Variants in APBA2 observed in about 807,000 individuals in gnomAD.
The protein encoded by APBA2 is amyloid beta precursor protein binding family A member 2.
APBA2 carries 30 observed loss-of-function variants against 75.0 expected under a neutral mutation model. That is an observed-to-expected ratio of 0.40 (90% CI 0.30 to 0.54). APBA2 has a LOEUF of 0.54. Ranked by LOEUF, APBA2 falls within the 20% of genes least tolerant of loss-of-function variation. APBA2 has a pLI of 0.49. For missense variants in APBA2, 801 were observed against 1,016.1 expected (o/e 0.79, Z 2.88); for synonymous variants, 444 against 409.6 (o/e 1.08, Z -1.01).
chr15:29,005,052 C>T (rs755671693), intron 3 of APBA2, among the ~76,000 whole-genome samples: 14 of 152,076 alleles, frequency 9.2e-5, no homozygotes, highest in Non-Finnish European at 1.8e-4. Flanking sequence ...TTTCTAACAA[C>T]CCCCCAGGTG....
chr15:28,974,740 C>T lies in APBA2; in HGVS notation c.-94-21013C>T, dbSNP rs375394848. On this transcript the variant is annotated intron_variant, in intron 2 of 14. Transcript: ENST00000683413. Reference sequence around the variant, plus strand: ...CCAAGTGCATAATTTTTGAATTTGACGATAATTAAAATATATCACTCTGTG... The same window carrying T: ...CCAAGTGCATAATTTTTGAATTTGATGATAATTAAAATATATCACTCTGTG... Among the ~76,000 whole-genome samples the T allele has an allele frequency of 2.4e-4, 36 of 152,030 alleles. No individual in the cohort carries two copies. In the South Asian group the frequency reaches 5.0e-3, roughly 21 times the overall value.
At chr15:28,953,409 C>T (rs971501325) in intron 2 of APBA2, among the ~76,000 whole-genome samples, 1 of 151,988 alleles carries the variant, frequency 6.6e-6, no homozygotes, top group Non-Finnish European at 1.5e-5. Context: ...GCTCCCACTC[C>T]CCCCGCCCCA....
intron 11 of APBA2, among the ~76,000 whole-genome samples, chr15:29,106,022 TA>T (rs2044385204): frequency 6.6e-6 from 1 of 152,206 alleles, no homozygotes; most frequent in African/African-American, 2.4e-5. Flanking sequence ...GACTGTTTGT[TA>T]AATGGCTGAA....
intron 1 of APBA2, among the ~76,000 whole-genome samples, chr15:28,908,065 A>G (rs1408839746): frequency 6.6e-6 from 1 of 152,206 alleles, no homozygotes; most frequent in Non-Finnish European, 1.5e-5. Flanking sequence ...CCGTGAGTGC[A>G]GGCCTGTGCC....
intron 6 of APBA2, among the ~76,000 whole-genome samples, chr15:29,091,033 C>T (rs1566996072): frequency 6.6e-6 from 1 of 152,100 alleles, no homozygotes. Context: ...CCTGTTCCCT[C>T]TGTGGGGCTG....
Position 28,918,554 on chromosome 15 carries a change from C to T in APBA2, c.-204-3086C>T, listed in dbSNP as rs1218767175. Among the ~76,000 whole-genome samples, 3 of 149,030 alleles carry T rather than the reference C, an allele frequency of 2.0e-5. No individual in the cohort carries two copies. The highest frequency in any genetic ancestry group is 6.7e-5 in the Admixed American group (1 of 14,832). ...TTCCCTTTGGTCGCCCCCTGGCGTCCGCGTCATTGTGGGAACACTCGGGCG... is the reference window on the plus strand; with the variant it reads ...TTCCCTTTGGTCGCCCCCTGGCGTCTGCGTCATTGTGGGAACACTCGGGCG... On this transcript the variant is annotated intron_variant, in intron 1 of 14. Transcript: ENST00000683413. The surrounding 1 kb of genome is among the most constrained non-coding windows in gnomAD (Gnocchi z 4.2).
At chr15:28,895,546 G>T (rs2032427379) in intron 1 of APBA2, 2 of 152,214 alleles carry the variant, frequency 1.3e-5, no homozygotes, top group African/African-American at 4.8e-5. Context: ...ATCCTCTGGG[G>T]GCTGCTGGGC....
intron 2 of APBA2, among the ~76,000 whole-genome samples, chr15:28,970,772 AAAAT>A (rs1175708219): frequency 6.6e-6 from 1 of 151,920 alleles, no homozygotes; most frequent in Non-Finnish European, 1.5e-5. Flanking sequence ...TTAAAAAAAA[AAAAT>A]AAAAGCAACA....
At chr15:29,042,444 G>C (rs2041095213) in intron 3 of APBA2, among the ~76,000 whole-genome samples, 1 of 152,144 alleles carries the variant, frequency 6.6e-6, no homozygotes, top group South Asian at 2.1e-4. Flanking sequence ...ATTTTTAGTA[G>C]AGACAGGGTT....
At chr15:29,094,074 T>G (rs2043721078) in intron 7 of APBA2, among the ~76,000 whole-genome samples, 1 of 152,238 alleles carries the variant, frequency 6.6e-6, no homozygotes, top group South Asian at 2.1e-4. Flanking sequence ...GGCAGTCATT[T>G]CTAGCGCTCC....
intron 13 of APBA2, among the ~76,000 whole-genome samples, chr15:29,113,336 C>G (rs189800304): frequency 2.9e-4 from 44 of 151,148 alleles, no homozygotes; most frequent in African/African-American, 1.1e-3. Flanking sequence ...CACAAAATGC[C>G]CTTACGTCAC....
At chr15:28,914,584 C>T (rs1346985999) in intron 1 of APBA2, among the ~76,000 whole-genome samples, 5 of 152,020 alleles carry the variant, frequency 3.3e-5, no homozygotes, top group Admixed American at 6.5e-5. Flanking sequence ...GTGCATGTCC[C>T]GGGTCCTGCT....
intron 2 of APBA2, among the ~76,000 whole-genome samples, chr15:28,938,566 G>A (rs1177045991): frequency 1.3e-5 from 2 of 152,038 alleles, no homozygotes; most frequent in Admixed American, 6.5e-5. Context: ...TGGAGTGCAG[G>A]GGTGCAATCT....
rs577611614 is a variant in APBA2 at position 28,983,034 on chromosome 15, AG to A, written c.-94-12717del. The stretch of plus-strand genomic sequence containing the variant: ...AGGGTGGAAGGTAACTTGGTGAAAT[AG>A]GAAGTCACTGCCTATTGCCCACTCA... On this transcript the variant is annotated intron_variant, in intron 2 of 14. Transcript: ENST00000683413. 2.5e-4 allele frequency among the ~76,000 whole-genome samples: 38 copies of A among 152,336 alleles called. No individual in the cohort carries two copies. In the East Asian group the frequency reaches 7.1e-3, roughly 29 times the overall value.
intron 2 of APBA2, among the ~76,000 whole-genome samples, chr15:28,972,992 T>C (rs2037147749): frequency 6.6e-6 from 1 of 152,382 alleles, no homozygotes; most frequent in African/African-American, 2.4e-5. Flanking sequence ...TAATAAACAT[T>C]ATATTCTACA....
chr15:29,073,869 A>G (rs1022598365), intron 4 of APBA2, among the ~76,000 whole-genome samples: 3 of 152,226 alleles, frequency 2.0e-5, no homozygotes, highest in African/African-American at 7.2e-5. Context: ...CTTAAATTTT[A>G]TTAATTGAAG....
chr15:28,995,404 C>T (rs529976207), intron 2 of APBA2, among the ~76,000 whole-genome samples: 2 of 152,248 alleles, frequency 1.3e-5, no homozygotes, highest in South Asian at 2.1e-4. Context: ...GCTCTGCAAA[C>T]CCGTGGGGTC....
At chr15:28,950,814 C>A (rs554411379) in intron 2 of APBA2, among the ~76,000 whole-genome samples, 57 of 152,118 alleles carry the variant, frequency 3.7e-4, no homozygotes, top group African/African-American at 1.3e-3. Context: ...CTATTCTCCC[C>A]CATTTATTTA....
intron 3 of APBA2, among the ~76,000 whole-genome samples, chr15:29,053,503 G>C (rs566877637): frequency 6.6e-6 from 1 of 152,196 alleles, no homozygotes; most frequent in South Asian, 2.1e-4. Flanking sequence ...CAAACAACCT[G>C]ATCTTCTGAC....
Sources: allele counts gnomAD v4.1 joint callset (sites outside exome capture counted in the v4.1 genomes callset), GRCh38; gene constraint gnomAD v4.1.1; non-coding constraint Gnocchi (gnomAD v3.1); transcripts MANE v1.5; gene names NCBI Gene and HGNC (gene_info 2026-07-23, HGNC 2026-07-21).